Variants in RSRC1 observed in about 807,000 individuals in gnomAD.
The protein encoded by RSRC1 is serine/Arginine-related protein 53.
RSRC1 carries 39 observed loss-of-function variants against 49.1 expected under a neutral mutation model. The observed-to-expected ratio is 0.79, with a 90% confidence interval of 0.61 to 1.04. The LOEUF (loss-of-function observed/expected upper bound fraction) is 1.04. Among genes scored for constraint, RSRC1 ranks in the 50% least tolerant of loss-of-function variants. The pLI, the probability that RSRC1 is intolerant of heterozygous loss-of-function variation, is 0.00. For missense variants in RSRC1, 388 were observed against 402.4 expected (o/e 0.96, Z 0.31); for synonymous variants, 143 against 130.8 (o/e 1.09, Z -0.63).
chr3:158,199,120 A>C (rs1272782308), intron 3 of RSRC1, among the ~76,000 whole-genome samples: 1 of 152,106 alleles, frequency 6.6e-6, no homozygotes, highest in African/African-American at 2.4e-5. Context: ...ATGAGATCTG[A>C]AGGTAAAAAC....
intron 4 of RSRC1, among the ~76,000 whole-genome samples, chr3:158,280,463 G>A (rs1051365071): frequency 1.3e-5 from 2 of 152,040 alleles, no homozygotes; most frequent in Non-Finnish European, 2.9e-5. Flanking sequence ...CCTGGTATAT[G>A]TTGTTCATAA....
chr3:158,536,637 G>A (rs1356420559), intron 7 of RSRC1, among the ~76,000 whole-genome samples: 1 of 151,282 alleles, frequency 6.6e-6, no homozygotes, highest in Non-Finnish European at 1.5e-5. Flanking sequence ...AATATTTAGG[G>A]ATAAAATGGT....
chr3:158,328,882 C>T (rs556730325), intron 5 of RSRC1, among the ~76,000 whole-genome samples: 1 of 152,318 alleles, frequency 6.6e-6, no homozygotes, highest in East Asian at 1.9e-4. Context: ...ACCAATCAGA[C>T]GTAGATTTTG....
intron 6 of RSRC1, among the ~76,000 whole-genome samples, chr3:158,388,974 G>C (rs552638606): frequency 2.2e-4 from 33 of 152,190 alleles, no homozygotes; most frequent in African/African-American, 7.7e-4. Context: ...AATAGATATA[G>C]ATACAATTAT....
rs537700989 is a variant in RSRC1 at position 158,242,451 on chromosome 3, A to G, written c.494+39206A>G. Reference sequence around the variant, plus strand: ...CCACATTTTCTTTATCCAATCTATCATTGTTGGACATTTAGTTGGATTTCA... The same window carrying G: ...CCACATTTTCTTTATCCAATCTATCGTTGTTGGACATTTAGTTGGATTTCA... On this transcript the variant is annotated intron_variant, in intron 4 of 9. Transcript: ENST00000611884. 3.3e-5 allele frequency among the ~76,000 whole-genome samples: 5 copies of G among 152,050 alleles called. No homozygotes were observed. In the South Asian group the frequency reaches 8.3e-4, roughly 25 times the overall value.
intron 6 of RSRC1, among the ~76,000 whole-genome samples, chr3:158,361,262 G>T (rs2108251029): frequency 6.6e-6 from 1 of 152,298 alleles, no homozygotes; most frequent in East Asian, 1.9e-4. Context: ...CAGGACGGCT[G>T]TGTTGCTGGC....
chr3:158,261,042 C>T (rs1169023273), intron 4 of RSRC1, among the ~76,000 whole-genome samples: 1 of 152,102 alleles, frequency 6.6e-6, no homozygotes, highest in Non-Finnish European at 1.5e-5. Flanking sequence ...TATTGCTTAC[C>T]TGATTTGGGC....
chr3:158,488,712 C>T (rs768229790), intron 7 of RSRC1, among the ~76,000 whole-genome samples: 1 of 152,122 alleles, frequency 6.6e-6, no homozygotes, highest in South Asian at 2.1e-4. Context: ...CCGTATTAAA[C>T]TCTGCTGTTA....
intron 3 of RSRC1, among the ~76,000 whole-genome samples, chr3:158,128,151 C>T (rs906566252): frequency 1.2e-4 from 18 of 152,106 alleles, no homozygotes; most frequent in African/African-American, 4.3e-4. Flanking sequence ...TCCATTAGTG[C>T]TCCAGGCAAG....
intron 7 of RSRC1, among the ~76,000 whole-genome samples, chr3:158,514,580 A>G (rs1413331209): frequency 2.6e-5 from 4 of 152,056 alleles, no homozygotes; most frequent in Non-Finnish European, 4.4e-5. Flanking sequence ...GTGCTGAAAA[A>G]AATGTATATT....
At chr3:158,350,942 A>G (rs1203221472) in intron 5 of RSRC1, among the ~76,000 whole-genome samples, 3 of 152,198 alleles carry the variant, frequency 2.0e-5, no homozygotes, top group African/African-American at 2.4e-5. Context: ...GATGATAGGT[A>G]ACTAAAAATG....
At chr3:158,530,741 TG>T (rs1444991506) in intron 7 of RSRC1, among the ~76,000 whole-genome samples, 1 of 151,666 alleles carries the variant, frequency 6.6e-6, no homozygotes, top group East Asian at 1.9e-4. Context: ...GCCACACAGC[TG>T]GTACATAGCA....
intron 6 of RSRC1, among the ~76,000 whole-genome samples, chr3:158,391,578 T>G (rs1035948507): frequency 2.6e-5 from 4 of 152,174 alleles, no homozygotes; most frequent in Non-Finnish European, 5.9e-5. Flanking sequence ...CTTTGCTAGT[T>G]GGAAATAAGC....
chr3:158,276,171 G>A (rs771059380), intron 4 of RSRC1: 22 of 901,276 alleles, frequency 2.4e-5, no homozygotes, highest in Middle Eastern at 3.2e-4. Context: ...ATGATGGACA[G>A]GCTTGCCATA....
At chr3:158,302,220 G>A (rs1727593089) in intron 5 of RSRC1, among the ~76,000 whole-genome samples, 1 of 151,966 alleles carries the variant, frequency 6.6e-6, no homozygotes, top group South Asian at 2.1e-4. Flanking sequence ...GAGGCAAAGT[G>A]GTTTATAGCT....
intron 4 of RSRC1, among the ~76,000 whole-genome samples, chr3:158,257,699 T>G (rs537844262): frequency 2.6e-5 from 4 of 152,174 alleles, no homozygotes; most frequent in Non-Finnish European, 5.9e-5. Flanking sequence ...TCTAGGTGTT[T>G]TGTGTCCTCT....
chr3:158,371,176 T>C (rs935221153), intron 6 of RSRC1, among the ~76,000 whole-genome samples: 8 of 151,918 alleles, frequency 5.3e-5, no homozygotes, highest in African/African-American at 1.7e-4. Flanking sequence ...TACAAATCAG[T>C]TATATACTTC....
chr3:158,175,696 A>G (rs1342734141), intron 3 of RSRC1, among the ~76,000 whole-genome samples: 1 of 152,176 alleles, frequency 6.6e-6, no homozygotes, highest in Admixed American at 6.6e-5. Flanking sequence ...TAAGTCTCAT[A>G]TAAGGGAAAT....
chr3:158,201,179 T>G (rs1303548205), intron 3 of RSRC1, among the ~76,000 whole-genome samples: 2 of 152,178 alleles, frequency 1.3e-5, no homozygotes, highest in Non-Finnish European at 2.9e-5. Context: ...TTCATTCCAC[T>G]GTCTTCTGAT....
Sources: gnomAD v4.1 joint callset for allele counts (sites outside exome capture counted in the v4.1 genomes callset) on GRCh38, gnomAD v4.1.1 for gene constraint, MANE v1.5 for transcripts, NCBI Gene and HGNC (gene_info 2026-07-23, HGNC 2026-07-21) for gene names.